PRKN: variants seen among roughly 807,000 people sequenced by gnomAD.
PRKN encodes the protein E3 ubiquitin-protein ligase parkin.
PRKN carries 56 observed loss-of-function variants against 59.5 expected under a neutral mutation model. The ratio of observed to expected loss-of-function variants is 0.94; its 90% CI spans 0.76 to 1.18. The LOEUF (loss-of-function observed/expected upper bound fraction) is 1.18, where lower values mean the gene tolerates loss of function less well. Among genes scored for constraint, PRKN ranks in the 50% most tolerant of loss-of-function variants. The pLI, the probability that PRKN is intolerant of heterozygous loss-of-function variation, is 0.00. For synonymous variants in PRKN, 250 were observed against 222.1 expected (o/e 1.13, Z -1.12); for missense variants, 657 against 596.4 (o/e 1.10, Z -1.06).
At chr6:162,443,955 T>G (rs188982930) in intron 1 of PRKN, among the ~76,000 whole-genome samples, 1 of 152,298 alleles carries the variant, frequency 6.6e-6, no homozygotes, top group East Asian at 1.9e-4. Flanking sequence ...CACTCGGGGC[T>G]ATGGCTCAGA....
Position 161,396,683 on chromosome 6 carries a change from C to T in PRKN, c.1084-9806G>A, listed in dbSNP as rs144012622. Among the ~76,000 whole-genome samples the T allele has an allele frequency of 6.6e-5, 10 of 152,272 alleles. No individual in the cohort carries two copies. The highest frequency in any genetic ancestry group is 2.2e-4 in the African/African-American group (9 of 41,540). On this transcript the variant is annotated intron_variant, in intron 9 of 11. Coordinates refer to ENST00000366898, the MANE Select transcript of PRKN (RefSeq NM_004562.3). The surrounding 1 kb of genome is among the most constrained non-coding windows in gnomAD (Gnocchi z 5.4). ...GCACTAGACTCTGTAGAAATGATTA[C>T]GCTACGCCAGTAAAAATGTGAAATC...
intron 1 of PRKN, among the ~76,000 whole-genome samples, chr6:162,583,180 C>T (rs562330995): frequency 2.3e-3 from 350 of 152,316 alleles, no homozygotes; most frequent in African/African-American, 8.1e-3. Context: ...GACACAAAAC[C>T]TGCTGGCACC....
chr6:161,940,202 G>A (rs1302926643), intron 6 of PRKN, among the ~76,000 whole-genome samples: 1 of 151,832 alleles, frequency 6.6e-6, no homozygotes, highest in African/African-American at 2.4e-5. Flanking sequence ...GGCCAATGGA[G>A]TTATTCTTAG....
chr6:162,675,684 G>A (rs1026716172), intron 1 of PRKN, among the ~76,000 whole-genome samples: 2 of 152,158 alleles, frequency 1.3e-5, no homozygotes, highest in African/African-American at 4.8e-5. Context: ...TGGATGGGAA[G>A]AATAATTTGT....
rs189693075 is a variant in PRKN at position 161,401,197 on chromosome 6, G to A, written c.1084-14320C>T. Among the ~76,000 whole-genome samples the A allele has an allele frequency of 5.3e-5, 8 of 152,224 alleles. No individual in the cohort carries two copies. In the East Asian group the frequency reaches 9.7e-4, roughly 18 times the overall value. The stretch of plus-strand genomic sequence containing the variant: ...AAGTATCAGGCTGGAAGGCTTGGTC[G>A]GGCATGGTTTTAGCAACAGGACTTT... On this transcript the variant is annotated intron_variant, in intron 9 of 11. Transcript: ENST00000366898. This position sits in a 1 kb window ranked among gnomAD's most constrained non-coding sequence, Gnocchi z 4.4.
chr6:162,535,133 G>C (rs1218293220), intron 1 of PRKN, among the ~76,000 whole-genome samples: 1 of 152,138 alleles, frequency 6.6e-6, no homozygotes, highest in Non-Finnish European at 1.5e-5. Flanking sequence ...TATCTCACCA[G>C]AGTCCTTCAC....
Position 162,624,993 on chromosome 6 carries a change from C to T in PRKN, c.7+102669G>A, listed in dbSNP as rs558618799. On this transcript the variant is annotated intron_variant, in intron 1 of 11. Transcript: ENST00000366898. ...ATCTGCTACCACTTCCTACTATGCC[C>T]TTCCTTCTGGGAAGGCTCTATTTCC... 1.1e-3 allele frequency among the ~76,000 whole-genome samples: 162 copies of T among 152,324 alleles called. 2 individuals are homozygous for T. Among genetic ancestry groups the T allele is most frequent in the Admixed American group, 2.4e-3 (37 of 15,292 alleles).
chr6:161,637,732 T>G (rs1783580088), intron 7 of PRKN, among the ~76,000 whole-genome samples: 1 of 150,788 alleles, frequency 6.6e-6, no homozygotes, highest in Admixed American at 6.6e-5. Context: ...AAAAAAAACT[T>G]ACAGGTTGGT....
chr6:161,515,015 A>G (rs750593419), intron 9 of PRKN, among the ~76,000 whole-genome samples: 1 of 152,178 alleles, frequency 6.6e-6, no homozygotes, highest in Non-Finnish European at 1.5e-5. Context: ...TATCTTCATC[A>G]CAAGATGCAT....
chr6:162,155,047 C>T (rs571199081), intron 4 of PRKN, among the ~76,000 whole-genome samples: 1 of 150,472 alleles, frequency 6.6e-6, no homozygotes, highest in East Asian at 1.9e-4. Context: ...AGCAAAACAC[C>T]CACAACATGA....
At chr6:162,295,746 G>A (rs1247581187) in intron 2 of PRKN, among the ~76,000 whole-genome samples, 1 of 152,176 alleles carries the variant, frequency 6.6e-6, no homozygotes, top group Non-Finnish European at 1.5e-5. Context: ...CTAGAGCAAA[G>A]TGGGGCCTTA....
intron 3 of PRKN, among the ~76,000 whole-genome samples, chr6:162,238,829 GGCA>G (rs1252348303): frequency 6.6e-6 from 1 of 152,144 alleles, no homozygotes; most frequent in African/African-American, 2.4e-5. Context: ...CAGCTGTGTG[GGCA>G]GCAAGGCACG....
At chr6:161,974,572 C>T (rs922213351) in intron 5 of PRKN, among the ~76,000 whole-genome samples, 6 of 152,126 alleles carry the variant, frequency 3.9e-5, no homozygotes, top group Non-Finnish European at 7.3e-5. Context: ...TGTTCACTCA[C>T]ACACCAAGGC....
rs184108481 is a variant in PRKN at position 162,313,629 on chromosome 6, A to G, written c.172-50864T>C. Among the ~76,000 whole-genome samples the G allele has an allele frequency of 3.9e-5, 6 of 152,160 alleles. No individual in the cohort carries two copies. In the East Asian group the frequency reaches 1.2e-3, roughly 29 times the overall value. Reference sequence around the variant, plus strand: ...CAGCCTCCCAAGTAGCTGGGATTACAGGCGCGTACCATCATGCCCGGCTAA... The same window carrying G: ...CAGCCTCCCAAGTAGCTGGGATTACGGGCGCGTACCATCATGCCCGGCTAA... On this transcript the variant is annotated intron_variant, in intron 2 of 11. Coordinates refer to ENST00000366898, the MANE Select transcript of PRKN (RefSeq NM_004562.3).
rs1784598350 is a variant in PRKN, at chr6:161,352,731, G to GTA, written c.1286-2521_1286-2520insTA. 7.3e-6 allele frequency among the ~76,000 whole-genome samples: 1 copy of GTA among 137,264 alleles called. No homozygotes were observed. The highest frequency in any genetic ancestry group is 1.5e-5 in the Non-Finnish European group (1 of 64,534). 90.1% of individuals were successfully genotyped at this position (137,264 alleles called of 152,430 possible). A position where few individuals can be genotyped will look rare whatever the true frequency, so the allele number is the denominator to read the frequency against. On this transcript the variant is annotated intron_variant, in intron 11 of 11. Transcript: ENST00000366898. This position sits in a 1 kb window ranked among gnomAD's most constrained non-coding sequence, Gnocchi z 5.8. ...AAACACAAATATGTATGAAGAGTGT[G>GTA]TGTGTGTGTGTGTGTGTGTGTGTGT...
At chr6:161,668,850 C>T (rs145799455) in intron 7 of PRKN, among the ~76,000 whole-genome samples, 1 of 152,302 alleles carries the variant, frequency 6.6e-6, no homozygotes, top group East Asian at 1.9e-4. Context: ...TCACCCACAT[C>T]CTGTGACCTG....
rs377407497 is a variant in PRKN at position 161,900,910 on chromosome 6, T to TTATATATATATATA, written c.734+72391_734+72392insTATATATATATATA. 1.3e-4 allele frequency among the ~76,000 whole-genome samples: 18 copies of TTATATATATATATA among 138,732 alleles called. No individual in the cohort carries two copies. In the East Asian group the frequency reaches 3.3e-3, roughly 25 times the overall value. The allele number at this position is 138,732 out of a possible 152,430, so 91.0% of individuals were successfully genotyped here. On this transcript the variant is annotated intron_variant, in intron 6 of 11. Coordinates refer to ENST00000366898, the MANE Select transcript of PRKN (RefSeq NM_004562.3). Reference sequence around the variant, plus strand: ...TATTATATATAACACATATGTTAAATTGTATATATATATATATATTTTTTA... The same window carrying TTATATATATATATA: ...TATTATATATAACACATATGTTAAATTATATATATATATATGTATATATATATATATATTTTTTA...
At chr6:162,473,246 C>T (rs938089718) in intron 1 of PRKN, among the ~76,000 whole-genome samples, 3 of 152,098 alleles carry the variant, frequency 2.0e-5, no homozygotes, top group African/African-American at 7.2e-5. Context: ...TGATGTGAAG[C>T]AAAGATGGGA....
intron 1 of PRKN, among the ~76,000 whole-genome samples, chr6:162,594,471 T>C (rs913484923): frequency 2.6e-5 from 4 of 152,204 alleles, no homozygotes; most frequent in Admixed American, 2.0e-4. Context: ...CCCCTTCCTC[T>C]TTTCTGTTTG....
Sources: gnomAD v4.1 joint callset for allele counts (sites outside exome capture counted in the v4.1 genomes callset) on GRCh38, gnomAD v4.1.1 for gene constraint, Gnocchi (gnomAD v3.1) non-coding constraint, MANE v1.5 for transcripts, NCBI Gene and HGNC (gene_info 2026-07-23, HGNC 2026-07-21) for gene names.